DLGAP2: variants seen among roughly 807,000 people sequenced by gnomAD.
DLGAP2 encodes disks large-associated protein 2.
A neutral mutation model predicts 100.3 loss-of-function variants in DLGAP2; 26 were observed. The observed-to-expected ratio is 0.26, with a 90% CI of 0.19 to 0.36. DLGAP2 has a LOEUF of 0.36. DLGAP2 is among the 10% of genes least tolerant of loss of function. The pLI is 1.00. For missense variants in DLGAP2, 1,858 were observed against 1,453.2 expected (o/e 1.28, Z -4.53); for synonymous variants, 886 against 630.1 (o/e 1.41, Z -6.08).
rs146377588 is a variant in DLGAP2, at chr8:1,230,491, A to G, written c.74-28360A>G. Reference sequence around the variant, plus strand: ...TATCAAACTACCAAAGTCATTTTTCACAGAACTAGAAAAAAACTATTCTAA... The same window carrying G: ...TATCAAACTACCAAAGTCATTTTTCGCAGAACTAGAAAAAAACTATTCTAA... On this transcript the variant is annotated intron_variant, in intron 2 of 14. Transcript: ENST00000637795. Among the ~76,000 whole-genome samples the G allele has an allele frequency of 2.3e-3, 353 of 152,338 alleles. 1 individual carries two copies. Among genetic ancestry groups the G allele is most frequent in the African/African-American group, 8.1e-3 (336 of 41,578 alleles).
At position 1,462,989 on chromosome 8, in the gene DLGAP2, C is replaced by CT. The variant is rs1798502929; in HGVS notation, c.107-38376dup. On this transcript the variant is annotated intron_variant, in intron 3 of 14. Transcript: ENST00000637795. ...GTGGGCCAGGCGTAGTGGCTCACGC[C>CT]TGTAATCCCAGCACTTTGGGAGTCT... is the stretch of plus-strand genomic sequence containing the variant. 2.6e-5 allele frequency among the ~76,000 whole-genome samples: 4 copies of CT among 152,190 alleles called. No individual in the cohort carries two copies. In the South Asian group the frequency reaches 8.3e-4, roughly 32 times the overall value.
At position 1,172,922 on chromosome 8, in the gene DLGAP2, G is replaced by C. The variant is rs1178682050; in HGVS notation, c.74-85929G>C. On this transcript the variant is annotated intron_variant, in intron 2 of 14. Transcript: ENST00000637795. ...CGTCCAGCTTTGTTCGATTGCTGGT[G>C]AGGAACTGTGATGCTTTGGAGGAGG... 2.0e-5 allele frequency among the ~76,000 whole-genome samples: 3 copies of C among 152,198 alleles called. No homozygotes were observed. In the East Asian group the frequency reaches 5.8e-4, roughly 29 times the overall value.
intron 2 of DLGAP2, among the ~76,000 whole-genome samples, chr8:1,225,990 G>A (rs753486303): frequency 1.3e-5 from 2 of 151,410 alleles, no homozygotes; most frequent in Admixed American, 6.6e-5. Context: ...TTTTTACAAG[G>A]TGGTGATTTC....
chr8:1,554,131 T>C (rs910739398), intron 5 of DLGAP2, among the ~76,000 whole-genome samples: 17 of 151,926 alleles, frequency 1.1e-4, no homozygotes, highest in Admixed American at 9.2e-4. Flanking sequence ...CTACTAAAAA[T>C]ACAAAAACTA....
intron 2 of DLGAP2, among the ~76,000 whole-genome samples, chr8:1,192,369 G>T (rs1200047713): frequency 6.6e-6 from 1 of 152,206 alleles, no homozygotes; most frequent in Non-Finnish European, 1.5e-5. Context: ...GGAATAGCTC[G>T]ATCAAGCTGA....
chr8:746,098 G>C (rs1254231379), intron 1 of DLGAP2, among the ~76,000 whole-genome samples: 1 of 152,228 alleles, frequency 6.6e-6, no homozygotes, highest in Non-Finnish European at 1.5e-5. Flanking sequence ...GTGCCCTGCA[G>C]GAAGGCCGGG....
In DLGAP2 at chr8:1,703,755, A is replaced by C. The variant is rs1405167950; in HGVS notation, c.*2349A>C. On this transcript the variant is annotated 3_prime_UTR_variant, in exon 15 of 15. Transcript: ENST00000637795. Reference sequence around the variant, plus strand: ...CTGCTTAAAAGAAAATGTTCACTGCATGTAGGTTGATTTCTTATGTTTTGT... The same window carrying C: ...CTGCTTAAAAGAAAATGTTCACTGCCTGTAGGTTGATTTCTTATGTTTTGT... The C allele has an allele frequency of 6.6e-6, 1 of 152,362 alleles. No homozygotes were observed. The highest frequency in any genetic ancestry group is 6.5e-5 in the Admixed American group (1 of 15,290). 9.4% of individuals were successfully genotyped at this position (152,362 alleles called of 1,614,324 possible).
intron 3 of DLGAP2, among the ~76,000 whole-genome samples, chr8:1,449,623 A>G (rs1028874752): frequency 6.6e-6 from 1 of 152,196 alleles, no homozygotes; most frequent in African/African-American, 2.4e-5. Flanking sequence ...TGAACGGGCA[A>G]TGCTGAGGCT....
chr8:1,089,407 G>A lies in DLGAP2; in HGVS notation c.74-169444G>A, dbSNP rs114172493. 8.9e-3 allele frequency among the ~76,000 whole-genome samples: 1,359 copies of A among 152,264 alleles called. 18 individuals carry two copies. Among genetic ancestry groups the A allele is most frequent in the African/African-American group, 0.031 (1,275 of 41,552 alleles). On this transcript the variant is annotated intron_variant, in intron 2 of 14. Coordinates refer to ENST00000637795, the MANE Select transcript of DLGAP2 (RefSeq NM_001346810.2). ...AGGCATGCTGCCCTCACTCATAACC[G>A]TGGGCTGGTGAGACTCCATCGCCTT...
chr8:1,215,346 G>A lies in DLGAP2; in HGVS notation c.74-43505G>A, dbSNP rs926059995. On this transcript the variant is annotated intron_variant, in intron 2 of 14. Coordinates refer to ENST00000637795, the MANE Select transcript of DLGAP2 (RefSeq NM_001346810.2). The stretch of plus-strand genomic sequence containing the variant: ...GCGAGGCTGATAGCTGAGGCTGGTT[G>A]AGAGCTGAGATCTAAAGCTAATCGT... 7.2e-5 allele frequency among the ~76,000 whole-genome samples: 11 copies of A among 152,362 alleles called. No individual in the cohort carries two copies. The East Asian group carries it at 1.9e-3, about 27-fold the overall frequency.
intron 3 of DLGAP2, among the ~76,000 whole-genome samples, chr8:1,467,042 G>C (rs1798645787): frequency 6.9e-6 from 1 of 144,454 alleles, no homozygotes; most frequent in Non-Finnish European, 1.5e-5. Flanking sequence ...ATGGGATTTT[G>C]CCGGGTGATA....
intron 2 of DLGAP2, among the ~76,000 whole-genome samples, chr8:1,106,581 AG>A (rs1453876737): frequency 1.3e-5 from 2 of 150,376 alleles, no homozygotes; most frequent in Non-Finnish European, 3.0e-5. Flanking sequence ...GGGCCATTCT[AG>A]GAGGGTTTTC....
At chr8:964,819 G>A (rs751240617) in intron 2 of DLGAP2, among the ~76,000 whole-genome samples, 2 of 152,218 alleles carry the variant, frequency 1.3e-5, no homozygotes, top group African/African-American at 2.4e-5. Context: ...CCCTTCCAGC[G>A]CTGCCAGGCT....
At position 1,242,154 on chromosome 8, in the gene DLGAP2, A is replaced by G. The variant is rs569538572; in HGVS notation, c.74-16697A>G. Reference sequence around the variant, plus strand: ...CCATAGCTTATATAAACAACAGAACATTAATTAACACGAAGACACTAATTA... The same window carrying G: ...CCATAGCTTATATAAACAACAGAACGTTAATTAACACGAAGACACTAATTA... On this transcript the variant is annotated intron_variant, in intron 2 of 14. Coordinates refer to ENST00000637795, the MANE Select transcript of DLGAP2 (RefSeq NM_001346810.2). Among the ~76,000 whole-genome samples the G allele has an allele frequency of 9.2e-5, 14 of 152,358 alleles. No individual in the cohort carries two copies. In the East Asian group the frequency reaches 2.5e-3, roughly 27 times the overall value.
intron 3 of DLGAP2, among the ~76,000 whole-genome samples, chr8:1,448,033 AC>A (rs1798031013): frequency 6.6e-6 from 1 of 152,168 alleles, no homozygotes; most frequent in African/African-American, 2.4e-5. Context: ...TTTTCAAAAA[AC>A]CAGCTCCTGG....
chr8:1,606,934 C>T (rs898512916), intron 6 of DLGAP2, among the ~76,000 whole-genome samples: 4 of 152,190 alleles, frequency 2.6e-5, no homozygotes, highest in East Asian at 1.9e-4. Context: ...ATCCACCTAC[C>T]GCAGCCTCCC....
chr8:881,666 A>AAC (rs1554439018), intron 1 of DLGAP2, among the ~76,000 whole-genome samples: 14 of 131,048 alleles, frequency 1.1e-4, no homozygotes, highest in East Asian at 6.0e-4. Flanking sequence ...CTTGTGGCTG[A>AAC]ACACACACAC....
intron 3 of DLGAP2, among the ~76,000 whole-genome samples, chr8:1,414,451 C>T (rs900798326): frequency 6.6e-6 from 1 of 152,178 alleles, no homozygotes; most frequent in Admixed American, 6.5e-5. Context: ...AGGCAAGAGG[C>T]ATGGGGACAT....
At chr8:1,290,433 C>T (rs768123806) in intron 3 of DLGAP2, among the ~76,000 whole-genome samples, 5 of 152,160 alleles carry the variant, frequency 3.3e-5, no homozygotes, top group Admixed American at 6.5e-5. Flanking sequence ...TGCCATTCCA[C>T]GAGACTGTTG....
Sources: gnomAD v4.1 joint callset for allele counts (sites outside exome capture counted in the v4.1 genomes callset) on GRCh38, gnomAD v4.1.1 for gene constraint, MANE v1.5 for transcripts, NCBI Gene and HGNC (gene_info 2026-07-23, HGNC 2026-07-21) for gene names.